The following NEK11 variants were observed in gnomAD, a reference collection of about 807,000 sequenced individuals.
NEK11 encodes serine/threonine-protein kinase Nek11.
A neutral mutation model predicts 80.7 loss-of-function variants in NEK11; 72 were observed. The ratio of observed to expected loss-of-function variants is 0.89; its 90% confidence interval spans 0.74 to 1.08. The LOEUF is 1.08. Among genes scored for constraint, NEK11 ranks in the 50% least tolerant of loss-of-function variants. The probability of loss-of-function intolerance (pLI) is 0.00; values close to 1 mark genes in which losing one functional copy is unlikely to be tolerated. For missense variants in NEK11, 764 were observed against 763.6 expected (o/e 1.00, Z -0.01); for synonymous variants, 251 against 260.7 (o/e 0.96, Z 0.36).
At chr3:131,099,972 C>G (rs2078118603) in intron 4 of NEK11, among the ~76,000 whole-genome samples, 1 of 152,160 alleles carries the variant, frequency 6.6e-6, no homozygotes, top group South Asian at 2.1e-4. Flanking sequence ...CCCAGTTGCT[C>G]TGGCTAGGAC....
intron 16 of NEK11, among the ~76,000 whole-genome samples, chr3:131,254,907 CT>C: frequency 6.6e-6 from 1 of 151,992 alleles, no homozygotes; most frequent in South Asian, 2.1e-4. Context: ...GTAATCCCAG[CT>C]TCTCAGAAGG....
chr3:131,170,694 ATAAG>A, intron 13 of NEK11, 75 bp from the exon 14 acceptor site: 2 of 914,032 alleles, frequency 2.2e-6, no homozygotes, highest in Non-Finnish European at 3.6e-6. Context: ...AGTCTTCTAA[ATAAG>A]AATATTTTTT....
intron 16 of NEK11, among the ~76,000 whole-genome samples, chr3:131,263,144 G>A (rs1203302793): frequency 1.6e-4 from 24 of 151,136 alleles, no homozygotes; most frequent in East Asian, 2.0e-4. Context: ...CCATTAACTC[G>A]TCATTTACAT....
intron 3 of NEK11, among the ~76,000 whole-genome samples, chr3:131,036,759 T>C (rs772929024): frequency 3.9e-5 from 6 of 152,184 alleles, no homozygotes; most frequent in Non-Finnish European, 8.8e-5. Context: ...ATTTAGCAGG[T>C]CTGGTAGGAG....
intron 4 of NEK11, among the ~76,000 whole-genome samples, chr3:131,091,525 G>A (rs1452350156): frequency 1.3e-5 from 2 of 152,166 alleles, no homozygotes; most frequent in South Asian, 2.1e-4. Flanking sequence ...CACTCAGAGA[G>A]CATGCATCCA....
chr3:131,195,215 C>T (rs1443867541), intron 14 of NEK11, among the ~76,000 whole-genome samples: 3 of 152,116 alleles, frequency 2.0e-5, no homozygotes, highest in Admixed American at 6.6e-5. Context: ...AAAACTTTCA[C>T]GTGGCCTATA....
At chr3:131,114,191 T>C (rs552360961) in intron 5 of NEK11, among the ~76,000 whole-genome samples, 23 of 152,198 alleles carry the variant, frequency 1.5e-4, no homozygotes, top group Non-Finnish European at 1.9e-4. Flanking sequence ...ATAAAACATG[T>C]TTCCTTCAGA....
intron 15 of NEK11, among the ~76,000 whole-genome samples, chr3:131,231,594 A>G (rs2095331331): frequency 6.6e-6 from 1 of 151,802 alleles, no homozygotes; most frequent in African/African-American, 2.4e-5. Flanking sequence ...AATTTGTATT[A>G]GAGACAGGTA....
intron 16 of NEK11, among the ~76,000 whole-genome samples, chr3:131,257,494 G>T (rs1159574533): frequency 6.6e-6 from 1 of 152,186 alleles, no homozygotes; most frequent in Non-Finnish European, 1.5e-5. Flanking sequence ...CTCCACTGTT[G>T]TAAGGATAGA....
intron 2 of NEK11, among the ~76,000 whole-genome samples, chr3:131,028,212 AT>A (rs1206051003): frequency 6.6e-6 from 1 of 152,238 alleles, no homozygotes; most frequent in African/African-American, 2.4e-5. Flanking sequence ...TGATTCATAC[AT>A]TTTAAGAAGG....
chr3:131,108,821 C>A (rs776552435), intron 4 of NEK11, among the ~76,000 whole-genome samples: 1 of 151,964 alleles, frequency 6.6e-6, no homozygotes, highest in African/African-American at 2.4e-5. Flanking sequence ...GCTATAGCTA[C>A]GTAGAGGAAA....
chr3:131,271,257 G>A (rs935275011), intron 16 of NEK11, among the ~76,000 whole-genome samples: 3 of 152,154 alleles, frequency 2.0e-5, no homozygotes, highest in Non-Finnish European at 2.9e-5. Flanking sequence ...TGTACTATGA[G>A]CAACACATTG....
intron 4 of NEK11, among the ~76,000 whole-genome samples, chr3:131,094,341 C>T (rs992235278): frequency 1.3e-5 from 2 of 151,896 alleles, no homozygotes; most frequent in African/African-American, 4.8e-5. Flanking sequence ...AATATTAAGT[C>T]ATGTCAGAAC....
intron 15 of NEK11, among the ~76,000 whole-genome samples, chr3:131,242,726 T>G (rs549925588): frequency 6.6e-6 from 1 of 152,272 alleles, no homozygotes; most frequent in Non-Finnish European, 1.5e-5. Flanking sequence ...CCATAAATTC[T>G]TAATTTTCCT....
intron 16 of NEK11, among the ~76,000 whole-genome samples, chr3:131,253,411 A>G (rs912803226): frequency 1.1e-4 from 16 of 152,140 alleles, no homozygotes; most frequent in African/African-American, 3.4e-4. Flanking sequence ...ATGAAAAGGG[A>G]ACAGAAAAAA....
At chr3:131,192,663 T>A (rs1304141705) in intron 14 of NEK11, among the ~76,000 whole-genome samples, 1 of 152,194 alleles carries the variant, frequency 6.6e-6, no homozygotes, top group Non-Finnish European at 1.5e-5. Context: ...GACATTATGC[T>A]ACATGCAATA....
intron 17 of NEK11, among the ~76,000 whole-genome samples, chr3:131,279,206 C>T (rs1462602171): frequency 2.0e-5 from 3 of 151,568 alleles, no homozygotes; most frequent in Non-Finnish European, 4.4e-5. Flanking sequence ...AAAAATTAGC[C>T]GGGCATGGTG....
intron 14 of NEK11, among the ~76,000 whole-genome samples, chr3:131,206,563 A>G (rs2094445997): frequency 6.6e-6 from 1 of 152,236 alleles, no homozygotes; most frequent in East Asian, 1.9e-4. Flanking sequence ...TAACACATTT[A>G]TCTATCACAC....
chr3:131,303,065 C>A (rs1048352735), intron 17 of NEK11, among the ~76,000 whole-genome samples: 1 of 152,110 alleles, frequency 6.6e-6, no homozygotes, highest in Admixed American at 6.5e-5. Context: ...TTGAATTGAA[C>A]CCTTTACCAT....
Sources: gnomAD v4.1 joint callset for allele counts (sites outside exome capture counted in the v4.1 genomes callset) on GRCh38, gnomAD v4.1.1 for gene constraint, MANE v1.5 for transcripts, NCBI Gene and HGNC (gene_info 2026-07-23, HGNC 2026-07-21) for gene names.